PCMTD1: variants seen among roughly 807,000 people sequenced by gnomAD.
The protein encoded by PCMTD1 is protein-L-isoaspartate O-methyltransferase domain-containing protein 1.
In PCMTD1, 12 loss-of-function variants were observed where a neutral mutation model predicts 37.6. The observed-to-expected ratio is 0.32, with a 90% CI of 0.20 to 0.52. PCMTD1 has a LOEUF of 0.52. Ranked by LOEUF, PCMTD1 falls within the 20% of genes least tolerant of loss-of-function variation. The probability of loss-of-function intolerance (pLI) is 0.97; values close to 1 mark genes in which losing one functional copy is unlikely to be tolerated. For synonymous variants in PCMTD1, 117 were observed against 135.8 expected, an observed-to-expected ratio of 0.86 and a Z score of 0.96; for missense variants, 235 against 421.3, an observed-to-expected ratio of 0.56 and a Z score of 3.87.
chr8:51,822,038 G>A (rs2037856439), intron 5 of PCMTD1, among the ~76,000 whole-genome samples: 1 of 151,980 alleles, frequency 6.6e-6, no homozygotes, highest in South Asian at 2.1e-4. Flanking sequence ...CCTGGCCCTG[G>A]TTGCTTTCTA....
chr8:51,827,675 T>A (rs1333374607), intron 5 of PCMTD1, among the ~76,000 whole-genome samples: 3 of 152,080 alleles, frequency 2.0e-5, no homozygotes, highest in African/African-American at 7.2e-5. Context: ...GAGTCAATGG[T>A]TTAATAACTC....
At chr8:51,854,179 G>C (rs1448788053) in intron 2 of PCMTD1, among the ~76,000 whole-genome samples, 1 of 152,076 alleles carries the variant, frequency 6.6e-6, no homozygotes, top group Non-Finnish European at 1.5e-5. Context: ...ATAACCAGAA[G>C]AAATTACTAT....
At chr8:51,876,295 T>C (rs1033805137) in intron 1 of PCMTD1, among the ~76,000 whole-genome samples, 3 of 152,212 alleles carry the variant, frequency 2.0e-5, no homozygotes, top group Non-Finnish European at 4.4e-5. Flanking sequence ...CATGGAAAGA[T>C]TGGGTATAGC....
At chr8:51,899,148 G>C, upstream of PCMTD1, 1 of 1,350,378 alleles carries the variant, frequency 7.4e-7, no homozygotes, top group East Asian at 3.1e-5. Context: ...AGCTCCCCGC[G>C]GACGCCAAAG....
chr8:51,840,826 T>A (rs1284142717), intron 3 of PCMTD1, among the ~76,000 whole-genome samples: 1 of 152,002 alleles, frequency 6.6e-6, no homozygotes, highest in African/African-American at 2.4e-5. Context: ...CCCCGACCCA[T>A]CCCTGACCCC....
At chr8:51,851,840 G>C (rs542826931) in intron 2 of PCMTD1, among the ~76,000 whole-genome samples, 1 of 151,980 alleles carries the variant, frequency 6.6e-6, no homozygotes, top group Non-Finnish European at 1.5e-5. Context: ...AGTAGGCACG[G>C]GGTTTCTCCA....
intron 5 of PCMTD1, among the ~76,000 whole-genome samples, chr8:51,822,556 AACT>A (rs1249238666): frequency 6.6e-6 from 1 of 152,206 alleles, no homozygotes; most frequent in African/African-American, 2.4e-5. Context: ...AGATAATAAT[AACT>A]ACAATGTTAT....
chr8:51,889,206 G>C (rs2038905169), intron 1 of PCMTD1, among the ~76,000 whole-genome samples: 2 of 152,112 alleles, frequency 1.3e-5, no homozygotes, highest in Admixed American at 1.3e-4. Flanking sequence ...TTCTAGGTTA[G>C]GTCCGTCACT....
At chr8:51,834,412 T>C (rs1488598536) in intron 3 of PCMTD1, among the ~76,000 whole-genome samples, 6 of 152,222 alleles carry the variant, frequency 3.9e-5, no homozygotes, top group Non-Finnish European at 5.9e-5. Flanking sequence ...CACGGAGTTA[T>C]GCTTTTACAA....
chr8:51,897,453 T>C (rs2039020992), intron 1 of PCMTD1, among the ~76,000 whole-genome samples: 1 of 152,134 alleles, frequency 6.6e-6, no homozygotes, highest in South Asian at 2.1e-4. Flanking sequence ...TATTAGCTAC[T>C]TCATGTTAAA....
intron 1 of PCMTD1, among the ~76,000 whole-genome samples, chr8:51,878,392 T>C (rs1004024028): frequency 6.6e-6 from 1 of 152,178 alleles, no homozygotes; most frequent in Non-Finnish European, 1.5e-5. Flanking sequence ...CCTTGTGCTA[T>C]TTCTCACAAT....
Position 51,898,999 on chromosome 8 carries a change from C to T in PCMTD1, c.-165G>A, listed in dbSNP as rs2039055519. The T allele has an allele frequency of 1.3e-6, 2 of 1,511,572 alleles. No individual in the cohort carries two copies. The highest frequency in any genetic ancestry group is 4.2e-5 in the Admixed American group (2 of 48,096). The allele number at this position is 1,511,572 out of a possible 1,614,324, so 93.6% of individuals were successfully genotyped here. On this transcript the variant is annotated 5_prime_UTR_variant, in exon 1 of 6. Transcript: ENST00000522514. Reference sequence around the variant, plus strand: ...CGGGGTCCGCAGCAGCCAGACGCCGCTACCACCACAATAACAACACGGACG... The same window carrying T: ...CGGGGTCCGCAGCAGCCAGACGCCGTTACCACCACAATAACAACACGGACG...
chr8:51,881,604 CTTAA>C (rs377424376), intron 1 of PCMTD1, among the ~76,000 whole-genome samples: 13 of 151,548 alleles, frequency 8.6e-5, no homozygotes, highest in East Asian at 5.8e-4. Flanking sequence ...TTTTGTCCAA[CTTAA>C]TTAATAATTA....
rs77347944 is a variant in PCMTD1, at chr8:51,820,195, G to C, written c.*156C>G. On this transcript the variant is annotated 3_prime_UTR_variant, in exon 6 of 6. Coordinates refer to ENST00000522514, the MANE Select transcript of PCMTD1 (RefSeq NM_052937.4). ...TATAAAAGGGATTCTTTTATTCACT[G>C]AATACATCATTTGTGTTACTGACAG... The C allele has an allele frequency of 1.7e-6, 1 of 575,298 alleles. No individual in the cohort carries two copies. Among genetic ancestry groups the C allele is most frequent in the Non-Finnish European group, 2.8e-6 (1 of 361,428 alleles). 35.6% of individuals were successfully genotyped at this position (575,298 alleles called of 1,614,324 possible).
At chr8:51,831,115 T>C (rs2037991349) in intron 5 of PCMTD1, among the ~76,000 whole-genome samples, 1 of 151,932 alleles carries the variant, frequency 6.6e-6, no homozygotes, top group Non-Finnish European at 1.5e-5. Flanking sequence ...CTGGCCAACA[T>C]GGTGAAACAG....
At position 51,820,488 on chromosome 8, in the gene PCMTD1, T is replaced by G; in HGVS notation, c.937A>C (p.Lys313Gln). The G allele has an allele frequency of 6.2e-7, 1 of 1,614,104 alleles. No homozygotes were observed. Among genetic ancestry groups the G allele is most frequent in the South Asian group, 1.1e-5 (1 of 91,076 alleles). Residue 313 changes from lysine to glutamine, a missense_variant, in exon 6 of 6, where the codon AAA (lysine) becomes CAA (glutamine). Around this residue, in one of 3 missense-constraint regions of PCMTD1, gnomAD observed 41 missense variants for 36.4 expected, o/e 1.13. Coordinates refer to ENST00000522514, the MANE Select transcript of PCMTD1 (RefSeq NM_052937.4). ...TTGTGATCTTTTTCCTCCTCTTCTTTGTTATCCTCTTCCATTTTTTCATCC... is the reference window on the plus strand; with the variant it reads ...TTGTGATCTTTTTCCTCCTCTTCTTGGTTATCCTCTTCCATTTTTTCATCC... The part of the protein sequence containing the change: ...EEDEKMEEDN[K>Q]EEEEKDHNEA...
intron 1 of PCMTD1, among the ~76,000 whole-genome samples, chr8:51,875,581 G>T (rs1298908190): frequency 6.6e-6 from 1 of 152,160 alleles, no homozygotes; most frequent in Admixed American, 6.5e-5. Flanking sequence ...TTCATTATAA[G>T]TCATAGTCTA....
intron 1 of PCMTD1, among the ~76,000 whole-genome samples, chr8:51,864,267 A>C (rs2038518979): frequency 6.6e-6 from 1 of 152,190 alleles, no homozygotes; most frequent in Non-Finnish European, 1.5e-5. Flanking sequence ...TAAAGCAAAT[A>C]CTAATAGATC....
At chr8:51,866,594 G>C (rs967586865) in intron 1 of PCMTD1, among the ~76,000 whole-genome samples, 11 of 151,838 alleles carry the variant, frequency 7.2e-5, no homozygotes, top group South Asian at 2.1e-4. Context: ...GAATGAAATT[G>C]AATCCTTATC....
Sources: gnomAD v4.1 joint callset for allele counts (sites outside exome capture counted in the v4.1 genomes callset) on GRCh38, gnomAD v4.1.1 for gene constraint, gnomAD v4.1.1 regional missense constraint, MANE v1.5 for transcripts, NCBI Gene and HGNC (gene_info 2026-07-23, HGNC 2026-07-21) for gene names.